ST3GAL3: variants seen among roughly 807,000 people sequenced by gnomAD.
ST3GAL3 encodes CMP-N-acetylneuraminate-beta-1,4-galactoside alpha-2,3-sialyltransferase.
In ST3GAL3, 21 loss-of-function variants were observed where a neutral mutation model predicts 50.1. The ratio of observed to expected loss-of-function variants is 0.42; its 90% CI spans 0.30 to 0.60. The LOEUF is 0.60. Ranked by LOEUF, ST3GAL3 falls within the 20% of genes least tolerant of loss-of-function variation. ST3GAL3 has a pLI of 0.19. For missense variants in ST3GAL3, 353 were observed against 489.4 expected, an observed-to-expected ratio of 0.72 and a Z score of 2.63; for synonymous variants, 183 against 190.0, an observed-to-expected ratio of 0.96 and a Z score of 0.30.
At chr1:43,915,479 A>G (rs762330918) in intron 9 of ST3GAL3, among the ~76,000 whole-genome samples, 2 of 152,258 alleles carry the variant, frequency 1.3e-5, no homozygotes, top group Non-Finnish European at 2.9e-5. Context: ...GTGAGTGAGC[A>G]GATCTGAAGT....
intron 5 of ST3GAL3, among the ~76,000 whole-genome samples, chr1:43,848,294 C>CTTTTTTTTTTTTTTTTTTTTTTT (rs58438507): frequency 1.4e-5 from 1 of 70,390 alleles, no homozygotes; most frequent in African/African-American, 6.0e-5. Context: ...TTGTGGTTTT[C>CTTTTTTTTTTTTTTTTTTTTTTT]TTTTTTTTTT....
At chr1:43,925,887 C>T (rs952598119) in intron 11 of ST3GAL3, among the ~76,000 whole-genome samples, 6 of 152,134 alleles carry the variant, frequency 3.9e-5, no homozygotes, top group African/African-American at 1.2e-4. Context: ...GAGAGGTGGC[C>T]GTCGGATGTA....
At chr1:43,905,090 A>C (rs1037753923) in intron 9 of ST3GAL3, among the ~76,000 whole-genome samples, 24 of 21,416 alleles carry the variant, frequency 1.1e-3, no homozygotes, top group Admixed American at 2.1e-3. Context: ...TCTTCCCACC[A>C]CTCTTCCTAC....
rs1240676762 is a variant in ST3GAL3, at chr1:43,920,892, C to T, written c.1002C>T (p.His334=). ...TGAGCACACCCAACGCACCCCTGCA[C>T]TACTATGAGACCGTTCGCATGGCAG... The part of the protein sequence containing the change: ...YDMSTPNAPL[H]YYETVRMAAI... The change falls in exon 11 of 12, where the codon CAC becomes CAT. Residue 334 remains histidine (H), a synonymous_variant. Coordinates refer to ENST00000347631, the MANE Select transcript of ST3GAL3 (RefSeq NM_006279.5). 2 of 1,613,954 alleles carry T rather than the reference C, an allele frequency of 1.2e-6. No individual in the cohort carries two copies. The highest frequency in any genetic ancestry group is 2.2e-5 in the East Asian group (1 of 44,898).
At chr1:43,868,334 A>AT (rs2071822397) in intron 5 of ST3GAL3, among the ~76,000 whole-genome samples, 1 of 152,210 alleles carries the variant, frequency 6.6e-6, no homozygotes, top group Non-Finnish European at 1.5e-5. Flanking sequence ...CACACAAATC[A>AT]CAAGAACTTC....
chr1:43,909,658 C>A (rs1229518746), intron 9 of ST3GAL3, among the ~76,000 whole-genome samples: 1 of 152,178 alleles, frequency 6.6e-6, no homozygotes, highest in African/African-American at 2.4e-5. Context: ...AAAGAACTTT[C>A]AAGACACAAG....
At chr1:43,782,496 A>G (rs1351267696) in intron 2 of ST3GAL3, among the ~76,000 whole-genome samples, 3 of 152,180 alleles carry the variant, frequency 2.0e-5, no homozygotes, top group African/African-American at 7.2e-5. Flanking sequence ...TTTACTCAAT[A>G]AAATCCAGAC....
intron 5 of ST3GAL3, chr1:43,840,968 GC>G (rs2065275610): frequency 6.6e-6 from 1 of 152,216 alleles, no homozygotes; most frequent in Non-Finnish European, 1.5e-5. Context: ...GGGGCTATAC[GC>G]CCCATGCAAG....
intron 9 of ST3GAL3, chr1:43,911,370 T>C (rs1210650604): frequency 6.6e-6 from 1 of 150,796 alleles, no homozygotes; most frequent in South Asian, 2.1e-4. Context: ...AGGCTTCTTA[T>C]GGTATGGGAT....
chr1:43,744,655 A>AAATAAATAAATAAAT (rs758984209), intron 2 of ST3GAL3, among the ~76,000 whole-genome samples: 12,394 of 140,892 alleles, frequency 0.088, 813 homozygotes, highest in Non-Finnish European at 0.12. Context: ...TCCCTCTCAA[A>AAATAAATAAATAAAT]AAATAAATAA....
At position 43,853,525 on chromosome 1, in the gene ST3GAL3, G is replaced by A. The variant is rs185688545; in HGVS notation, c.302+15214G>A. Among the ~76,000 whole-genome samples the A allele has an allele frequency of 7.2e-4, 110 of 152,296 alleles. 1 individual carries two copies. Among genetic ancestry groups the A allele is most frequent in the Middle Eastern group, 3.4e-3 (1 of 294 alleles). ...ACCCAAGTCCACATATTTAACAACCGCCTTCTACTTCCTCTCACAGCTGCT... is the reference window on the plus strand; with the variant it reads ...ACCCAAGTCCACATATTTAACAACCACCTTCTACTTCCTCTCACAGCTGCT... On this transcript the variant is annotated intron_variant, in intron 5 of 11. Transcript: ENST00000347631.
chr1:43,878,398 G>C (rs2074487660), intron 5 of ST3GAL3, among the ~76,000 whole-genome samples: 1 of 152,194 alleles, frequency 6.6e-6, no homozygotes, highest in South Asian at 2.1e-4. Context: ...TGGGAAGAAA[G>C]AAAATATGGC....
intron 5 of ST3GAL3, among the ~76,000 whole-genome samples, chr1:43,843,181 A>G (rs931060710): frequency 2.0e-5 from 3 of 152,230 alleles, no homozygotes; most frequent in African/African-American, 7.2e-5. Flanking sequence ...GAAAAGATCT[A>G]GTCTTTCACC....
intron 11 of ST3GAL3, chr1:43,922,072 A>G (rs185179273): frequency 9.0e-5 from 20 of 222,074 alleles, no homozygotes; most frequent in Non-Finnish European, 1.6e-4. Flanking sequence ...TCTACGCCTT[A>G]AAATTCATCA....
At chr1:43,844,366 A>G (rs2154203849) in intron 5 of ST3GAL3, among the ~76,000 whole-genome samples, 1 of 152,352 alleles carries the variant, frequency 6.6e-6, no homozygotes, top group East Asian at 1.9e-4. Context: ...ACATAAGGCT[A>G]TCCAGAAGTC....
intron 2 of ST3GAL3, among the ~76,000 whole-genome samples, chr1:43,777,356 C>G (rs533685464): frequency 5.3e-4 from 81 of 152,262 alleles, no homozygotes; most frequent in African/African-American, 1.9e-3. Context: ...CTGGAGGCAT[C>G]ATACTACCCA....
rs544287259 is a variant in ST3GAL3, at chr1:43,735,885, C to T, written c.-30-348C>T. Among the ~76,000 whole-genome samples the T allele has an allele frequency of 5.9e-5, 9 of 152,270 alleles. No individual in the cohort carries two copies. In the South Asian group the frequency reaches 6.2e-4, roughly 11 times the overall value. ...GAATGTAAATTTGAAGGCAGGGAAA[C>T]GTGTTTGTGGGAATGCTGTGATAAC... is the stretch of plus-strand genomic sequence containing the variant. On this transcript the variant is annotated intron_variant, in intron 1 of 11. Coordinates refer to ENST00000347631, the MANE Select transcript of ST3GAL3 (RefSeq NM_006279.5).
At chr1:43,733,192 C>T (rs989169055) in intron 1 of ST3GAL3, among the ~76,000 whole-genome samples, 5 of 152,056 alleles carry the variant, frequency 3.3e-5, no homozygotes, top group Non-Finnish European at 4.4e-5. Context: ...ATGGGGGTCT[C>T]ATCTCATCAT....
At chr1:43,750,402 A>T (rs556705543) in intron 2 of ST3GAL3, among the ~76,000 whole-genome samples, 1 of 152,248 alleles carries the variant, frequency 6.6e-6, no homozygotes, top group African/African-American at 2.4e-5. Context: ...ATAGCCAGGT[A>T]CTGGAAACAA....
Sources: allele counts gnomAD v4.1 joint callset (sites outside exome capture counted in the v4.1 genomes callset), GRCh38; gene constraint gnomAD v4.1.1; transcripts MANE v1.5; gene names NCBI Gene and HGNC (gene_info 2026-07-23, HGNC 2026-07-21).